SUN1: variants seen among roughly 807,000 people sequenced by gnomAD.
SUN1 encodes SUN domain-containing protein 1.
A neutral mutation model predicts 103.2 loss-of-function variants in SUN1; 61 were observed. That is an observed-to-expected ratio of 0.59 (90% CI 0.48 to 0.73). The LOEUF is 0.73. Among genes scored for constraint, SUN1 ranks in the 30% least tolerant of loss-of-function variants. The pLI, the probability that SUN1 is intolerant of heterozygous loss-of-function variation, is 0.00. For missense variants in SUN1, 1,052 were observed against 1,034.6 expected (o/e 1.02, Z -0.23); for synonymous variants, 490 against 425.7 (o/e 1.15, Z -1.86).
At chr7:818,717 A>G (rs1475589784) in intron 1 of SUN1, among the ~76,000 whole-genome samples, 1 of 152,198 alleles carries the variant, frequency 6.6e-6, no homozygotes, top group African/African-American at 2.4e-5. Context: ...AAAAAGGATG[A>G]CCATGCTAGT....
upstream of SUN1, chr7:830,969 A>G (rs1016970296): frequency 1.0e-6 from 1 of 985,474 alleles, no homozygotes; most frequent in Non-Finnish European, 1.2e-6. Context: ...GGCATGGTGT[A>G]TAGGTGGAGG....
intron 5 of SUN1, among the ~76,000 whole-genome samples, chr7:846,418 G>C (rs770258080): frequency 6.6e-6 from 1 of 151,690 alleles, no homozygotes; most frequent in African/African-American, 2.4e-5. Context: ...AACACACATT[G>C]TATCTTTTAA....
intron 1 of SUN1, among the ~76,000 whole-genome samples, chr7:824,602 G>A (rs554454094): frequency 6.6e-6 from 1 of 152,212 alleles, no homozygotes; most frequent in Non-Finnish European, 1.5e-5. Flanking sequence ...AGTGGGGTTT[G>A]TATTAAAAAG....
upstream of SUN1, among the ~76,000 whole-genome samples, chr7:831,505 C>T (rs572966342): frequency 4.0e-3 from 609 of 152,248 alleles, 5 homozygotes; most frequent in African/African-American, 0.013. Flanking sequence ...CTCCTGACCT[C>T]GTGATCCGCC....
In SUN1 at chr7:869,391, C is replaced by T; in HGVS notation, c.2023C>T (p.Gln675Ter). 1 of 1,613,874 alleles carries T rather than the reference C, an allele frequency of 6.2e-7. No homozygotes were observed. The highest frequency in any genetic ancestry group is 2.2e-5 in the East Asian group (1 of 44,876). Residue 675 changes from glutamine (Q) to a stop codon, truncating the protein, a stop_gained, in exon 17 of 19, where the codon CAG becomes TAG. Coordinates refer to ENST00000401592, the MANE Select transcript of SUN1 (RefSeq NM_001130965.3). LOFTEE classifies it high-confidence loss of function. ...TAACTGCTGGGCATTTAAAGGCTCC[C>T]AGGGGTACCTGGTGGTGAGGCTCTC... ...PGNCWAFKGSQGYLVVRLSMM... is the reference protein window; with the variant it reads ...PGNCWAFKGS
intron 1 of SUN1, among the ~76,000 whole-genome samples, chr7:833,555 C>T (rs559262294): frequency 3.7e-4 from 57 of 152,244 alleles, no homozygotes; most frequent in East Asian, 2.1e-3. Context: ...AGGTGATCCA[C>T]CCACCTCGGC....
rs1348133509 is a variant in SUN1, at chr7:838,818, C to T, written c.98C>T (p.Ala33Val). The T allele has an allele frequency of 6.4e-7, 1 of 1,556,586 alleles. No individual in the cohort carries two copies. Among genetic ancestry groups the T allele is most frequent in the Non-Finnish European group, 8.7e-7 (1 of 1,148,910 alleles). ...YALSSSYSSDALDFETEHKLD... is the reference protein window; with the variant it reads ...YALSSSYSSDVLDFETEHKLD... ...TCTAGTTCCAGCTATTCTTCAGATG[C>T]TCTGGATTTTGAGACGGAGCACAAA... Residue 33 changes from alanine (A) to valine (V), a missense_variant, in exon 2 of 19, where the codon GCT (alanine) becomes GTT (valine). By Grantham distance (64) the Ala-to-Val change is moderately conservative. Coordinates refer to ENST00000401592, the MANE Select transcript of SUN1 (RefSeq NM_001130965.3).
intron 1 of SUN1, among the ~76,000 whole-genome samples, chr7:825,434 G>C (rs1790805181): frequency 6.6e-6 from 1 of 152,192 alleles, no homozygotes; most frequent in Non-Finnish European, 1.5e-5. Context: ...CCTGAAAGGG[G>C]TTAAATGACA....
intron 15 of SUN1, among the ~76,000 whole-genome samples, chr7:864,873 C>G (rs1835173421): frequency 6.6e-6 from 1 of 152,062 alleles, no homozygotes; most frequent in South Asian, 2.1e-4. Context: ...AGGTGATCCA[C>G]CCACCTCGGC....
chr7:825,096 T>C (rs565765958), intron 1 of SUN1, among the ~76,000 whole-genome samples: 1 of 152,122 alleles, frequency 6.6e-6, no homozygotes, highest in African/African-American at 2.4e-5. Context: ...TCTTGCTCGG[T>C]CACCCAGGCT....
In SUN1 at chr7:852,686, A is replaced by G; in HGVS notation, c.910+19A>G. 6.2e-7 allele frequency: 1 copy of G among 1,614,182 alleles called. No individual in the cohort carries two copies. On this transcript the variant is annotated intron_variant, in intron 8 of 18. Transcript: ENST00000401592. ...TTACTAGGTAAGTCAAATCTGGCTG[A>G]GTTGCCTCCGATGGCTAAGCGGTAC...
chr7:836,555 G>A (rs1803423774), intron 1 of SUN1, among the ~76,000 whole-genome samples: 1 of 152,214 alleles, frequency 6.6e-6, no homozygotes, highest in Non-Finnish European at 1.5e-5. Flanking sequence ...AAGAGCTCAT[G>A]TTCTGGTTTG....
At chr7:858,104 G>A in intron 13 of SUN1, 147 bp downstream of exon 13, 1 of 998,972 alleles carries the variant, frequency 1.0e-6, no homozygotes, top group Non-Finnish European at 1.4e-6. Flanking sequence ...AGGCTAGACT[G>A]CAGTGGCGCG....
rs1328270527 is a variant in SUN1 at position 866,057 on chromosome 7, T to C, written c.1970T>C (p.Val657Ala). 6.2e-7 allele frequency: 1 copy of C among 1,614,004 alleles called. No homozygotes were observed. Among genetic ancestry groups the C allele is most frequent in the African/African-American group, 1.3e-5 (1 of 75,014 alleles). The change falls in exon 16 of 19, where the codon GTG becomes GCG. Residue 657 changes from valine to alanine, a missense_variant. Val to Ala is a moderately conservative substitution (Grantham distance 64). Around this residue, in one of 2 missense-constraint regions of SUN1, gnomAD observed 206 missense variants for 260.1 expected, o/e 0.79. Transcript: ENST00000401592. ...TGGTACTTCTCGCAGTCCCCGCGCG[T>C]GGTCATCCAGGTGAGTGGCCGCCGG... is the stretch of plus-strand genomic sequence containing the variant. ...PLWYFSQSPR[V>A]VIQPDIYPGN...
At chr7:830,668 C>G (rs994608478), upstream of SUN1, among the ~76,000 whole-genome samples, 1 of 152,200 alleles carries the variant, frequency 6.6e-6, no homozygotes, top group African/African-American at 2.4e-5. Flanking sequence ...TTTTCTCTGG[C>G]CTGGCTGCCC....
At position 823,171 on chromosome 7, in the gene SUN1, G is replaced by C. The variant is rs187123293; in HGVS notation, c.-74+6498G>C. Among the ~76,000 whole-genome samples, 14 of 152,364 alleles carry C rather than the reference G, an allele frequency of 9.2e-5. No homozygotes were observed. The East Asian group carries it at 2.7e-3, about 29-fold the overall frequency. Reference sequence around the variant, plus strand: ...TTCCAGTCACGTGCAGCGTTCACTTGTTCTCCAGGCAAGGATTAGAGCCGA... The same window carrying C: ...TTCCAGTCACGTGCAGCGTTCACTTCTTCTCCAGGCAAGGATTAGAGCCGA... On this transcript the variant is annotated intron_variant, in intron 1 of 17. Transcript: ENST00000389574.
At chr7:862,540 G>A (rs929644288) in intron 15 of SUN1, among the ~76,000 whole-genome samples, 2 of 152,088 alleles carry the variant, frequency 1.3e-5, no homozygotes, top group Admixed American at 6.5e-5. Context: ...GACCTTTTTA[G>A]AATATTAAGT....
chr7:821,274 A>G (rs1049040997), intron 1 of SUN1, among the ~76,000 whole-genome samples: 3 of 138,444 alleles, frequency 2.2e-5, no homozygotes, highest in Non-Finnish European at 4.5e-5. Flanking sequence ...TGTTCAAGTG[A>G]TTCTCCGGCC....
In SUN1 at chr7:853,144, A is replaced by G. The variant is rs79214333; in HGVS notation, c.1053+192A>G. On this transcript the variant is annotated intron_variant, in intron 9 of 18. Coordinates refer to ENST00000401592, the MANE Select transcript of SUN1 (RefSeq NM_001130965.3). ...TCAAATGCACATTTAAAGTACTCTC[A>G]TGATTCAGTTAGTTTTAATTTTAAA... 15,226 of 790,152 alleles carry G rather than the reference A, an allele frequency of 0.019. 991 individuals are homozygous for G. The East Asian group carries it at 0.2, about 10-fold the overall frequency. The allele number at this position is 790,152 out of a possible 1,614,324, so 48.9% of individuals were successfully genotyped here.
Sources: allele counts gnomAD v4.1 joint callset (sites outside exome capture counted in the v4.1 genomes callset), GRCh38; gene constraint gnomAD v4.1.1; regional missense constraint gnomAD v4.1.1; transcripts MANE v1.5; gene names NCBI Gene and HGNC (gene_info 2026-07-23, HGNC 2026-07-21).